The following GALP variants were observed in gnomAD, a reference collection of about 807,000 sequenced individuals.
GALP encodes galanin-like peptide.
GALP carries 12 observed loss-of-function variants against 15.2 expected under a neutral mutation model. That is an observed-to-expected ratio of 0.79 (90% CI 0.51 to 1.28). The LOEUF (loss-of-function observed/expected upper bound fraction) is 1.28. GALP is among the 50% of genes most tolerant of loss of function. The pLI is 0.00. For missense variants in GALP, 161 were observed against 145.6 expected (o/e 1.11, Z -0.55); for synonymous variants, 58 against 55.1 (o/e 1.05, Z -0.23).
intron 3 of GALP, 89 bp downstream of exon 3, chr19:56,180,723 AC>A: frequency 2.0e-6 from 2 of 981,376 alleles, no homozygotes; most frequent in Non-Finnish European, 1.6e-6. Context: ...AAAGACCCTC[AC>A]CCACATTCAC....
intron 5 of GALP, among the ~76,000 whole-genome samples, chr19:56,184,719 G>A (rs966712474): frequency 6.6e-5 from 10 of 151,638 alleles, no homozygotes; most frequent in Non-Finnish European, 1.5e-4. Context: ...TCCTGACCTC[G>A]TGATCTGCCT....
chr19:56,184,547 G>A (rs552817738), intron 5 of GALP, among the ~76,000 whole-genome samples: 13 of 143,546 alleles, frequency 9.1e-5, no homozygotes, highest in Admixed American at 3.6e-4. Flanking sequence ...GCAGTGGCGC[G>A]ATCTCGGCTC....
chr19:56,177,510 C>CAA (rs35564874), intron 2 of GALP, among the ~76,000 whole-genome samples: 8,333 of 73,518 alleles, frequency 0.11, 623 homozygotes, highest in East Asian at 0.48. Context: ...GACTCCATCT[C>CAA]AAAAAAAAAA....
chr19:56,181,651 G>A (rs904620218), intron 3 of GALP, among the ~76,000 whole-genome samples: 3 of 151,702 alleles, frequency 2.0e-5, no homozygotes, highest in African/African-American at 7.3e-5. Context: ...CAGGTGATCC[G>A]CCCGCCTCAG....
At chr19:56,178,033 C>T (rs2032494939) in intron 2 of GALP, among the ~76,000 whole-genome samples, 1 of 151,992 alleles carries the variant, frequency 6.6e-6, no homozygotes, top group African/African-American at 2.4e-5. Flanking sequence ...GTTAGGTGTT[C>T]TCACCACAAA....
intron 2 of GALP, among the ~76,000 whole-genome samples, chr19:56,178,227 G>A (rs925157017): frequency 2.0e-5 from 3 of 151,630 alleles, no homozygotes; most frequent in African/African-American, 7.3e-5. Flanking sequence ...ACTTTGAGAG[G>A]CCAAGATTAG....
rs1182475311 is a variant in GALP, at chr19:56,182,237, C to G, written c.202C>G (p.Leu68Val). Residue 68 changes from leucine (L) to valine (V), a missense_variant, in exon 4 of 6, where the codon CTG (leucine) becomes GTG (valine). By Grantham distance (32) the Leu-to-Val change is conservative. Coordinates refer to ENST00000357330, the MANE Select transcript of GALP (RefSeq NM_033106.4). ...GGAGACAGCCCTTGAGATCCTAGAC[C>G]TGTGGAAGGCCATCGGTGAGTGAGC... The part of the protein sequence containing the change: ...KRETALEILD[L>V]WKAIDGLPYS... 6 of 1,613,568 alleles carry G rather than the reference C, an allele frequency of 3.7e-6. No individual in the cohort carries two copies. Among genetic ancestry groups the G allele is most frequent in the Non-Finnish European group, 5.1e-6 (6 of 1,179,592 alleles).
intron 5 of GALP, among the ~76,000 whole-genome samples, chr19:56,183,916 A>G (rs2032611102): frequency 6.6e-6 from 1 of 151,196 alleles, no homozygotes; most frequent in Non-Finnish European, 1.5e-5. Flanking sequence ...CAATTTTAAC[A>G]TCAACCTCTC....
chr19:56,185,522 T>C lies in GALP; in HGVS notation c.*252T>C, dbSNP rs1241119973. The C allele has an allele frequency of 2.9e-6, 1 of 349,982 alleles. No homozygotes were observed. Among genetic ancestry groups the C allele is most frequent in the Non-Finnish European group, 5.1e-6 (1 of 196,048 alleles). 21.7% of individuals were successfully genotyped at this position (349,982 alleles called of 1,614,324 possible). A position where few individuals can be genotyped will look rare whatever the true frequency, so the allele number is the denominator to read the frequency against. ...AATTCGAGGACTAGTTGGGAGATTC[T>C]GGGGTAATCAGGGAATATTCCTGCA... On this transcript the variant is annotated 3_prime_UTR_variant, in exon 6 of 6. Transcript: ENST00000357330.
chr19:56,177,021 T>C lies in GALP; in HGVS notation c.-39-49T>C, dbSNP rs2122153870. ...TAAATTCCTCTGTCCTTATCGGAAA[T>C]GCACCTGGCCCCCGCTTCGGAAAAT... On this transcript the variant is annotated intron_variant, in intron 1 of 5. Coordinates refer to ENST00000357330, the MANE Select transcript of GALP (RefSeq NM_033106.4). The C allele has an allele frequency of 6.6e-6, 6 of 903,168 alleles. No individual in the cohort carries two copies. In the South Asian group the frequency reaches 8.6e-5, roughly 13 times the overall value. 55.9% of individuals were successfully genotyped at this position (903,168 alleles called of 1,614,324 possible).
At position 56,185,532 on chromosome 19, in the gene GALP, AG is replaced by A; in HGVS notation, c.*265del. On this transcript the variant is annotated 3_prime_UTR_variant, in exon 6 of 6. Transcript: ENST00000357330. ...CTAGTTGGGAGATTCTGGGGTAATCAGGGAATATTCCTGCAACACATTTAAA... is the reference window on the plus strand; with the variant it reads ...CTAGTTGGGAGATTCTGGGGTAATCAGGAATATTCCTGCAACACATTTAAA... 1 of 331,970 alleles carries A rather than the reference AG, an allele frequency of 3.0e-6. No homozygotes were observed. The highest frequency in any genetic ancestry group is 5.4e-6 in the Non-Finnish European group (1 of 184,770). The allele number at this position is 331,970 out of a possible 1,614,324, so 20.6% of individuals were successfully genotyped here.
At chr19:56,183,332 TCACCTGTAAC>T in intron 5 of GALP, 120 bp downstream of exon 5, 1 of 791,862 alleles carries the variant, frequency 1.3e-6, no homozygotes, top group South Asian at 1.5e-5. Context: ...AGGGACCTCC[TCACCTGTAAC>T]CACAGCCACT....
intron 3 of GALP, among the ~76,000 whole-genome samples, 180 bp from the exon 4 acceptor site, chr19:56,181,992 G>T (rs1390733597): frequency 1.3e-5 from 2 of 152,146 alleles, no homozygotes; most frequent in African/African-American, 4.8e-5. Flanking sequence ...TCGAGCAAGT[G>T]ACCGCTTGCA....
chr19:56,184,018 T>C (rs142714613), intron 5 of GALP, among the ~76,000 whole-genome samples: 5,490 of 150,974 alleles, frequency 0.036, 292 homozygotes, highest in African/African-American at 0.12. Flanking sequence ...TGAAGTGGTG[T>C]GATCTTGGCT....
At chr19:56,185,076 A>G (rs1371650918) in intron 5 of GALP, 139 bp from the exon 6 acceptor site, 2 of 588,540 alleles carry the variant, frequency 3.4e-6, no homozygotes, top group East Asian at 3.5e-5. Flanking sequence ...TGAGGTGGGC[A>G]GATCACCTGA....
chr19:56,185,229 AG>A lies in GALP; in HGVS notation c.311del (p.Ser104ThrfsTer2). 6.2e-7 allele frequency: 1 copy of A among 1,608,544 alleles called. No individual in the cohort carries two copies. The highest frequency in any genetic ancestry group is 8.5e-7 in the Non-Finnish European group (1 of 1,175,602). ...CTTTCCCACAGATCTGGGCATGCTC[AG>A]CATGAAAATTCCCAAGGAGGAAGAT... Reference protein sequence around the residue: ...KPEIGDLGMLSMKIPKEEDVL... With the variant: ...KPEIGDLGMLXMKIPKEEDVL... On this transcript the variant is annotated frameshift_variant, in exon 6 of 6. Coordinates refer to ENST00000357330, the MANE Select transcript of GALP (RefSeq NM_033106.4). LOFTEE classifies it low-confidence loss of function (END_TRUNC).
At chr19:56,185,160 G>A in intron 5 of GALP, 55 bp from the exon 6 acceptor site, 1 of 1,136,988 alleles carries the variant, frequency 8.8e-7, no homozygotes, top group Non-Finnish European at 1.3e-6. Context: ...AATTAGCTGG[G>A]TGGGGAGTGA....
At chr19:56,178,290 C>T (rs949084998) in intron 2 of GALP, among the ~76,000 whole-genome samples, 1 of 151,284 alleles carries the variant, frequency 6.6e-6, no homozygotes, top group Non-Finnish European at 1.5e-5. Flanking sequence ...ATAGTGAGAA[C>T]CTCCATCTCT....
intron 5 of GALP, among the ~76,000 whole-genome samples, chr19:56,183,549 C>G (rs931556428): frequency 6.6e-6 from 1 of 152,226 alleles, no homozygotes; most frequent in Non-Finnish European, 1.5e-5. Context: ...GCCTCAGCTA[C>G]AACATTGACG....
Sources: allele counts gnomAD v4.1 joint callset (sites outside exome capture counted in the v4.1 genomes callset), GRCh38; gene constraint gnomAD v4.1.1; transcripts MANE v1.5; gene names NCBI Gene and HGNC (gene_info 2026-07-23, HGNC 2026-07-21).